LPCAT1: variants seen among roughly 807,000 people sequenced by gnomAD.
The protein encoded by LPCAT1 is lysophosphatidylcholine acyltransferase 1.
A neutral mutation model predicts 60.9 loss-of-function variants in LPCAT1; 23 were observed. The ratio of observed to expected loss-of-function variants is 0.38; its 90% CI spans 0.27 to 0.53. LPCAT1 has a LOEUF of 0.53. Among genes scored for constraint, LPCAT1 ranks in the 20% least tolerant of loss-of-function variants. The pLI, the probability that LPCAT1 is intolerant of heterozygous loss-of-function variation, is 0.82. For missense variants in LPCAT1, 622 were observed against 723.6 expected, an observed-to-expected ratio of 0.86 and a Z score of 1.61; for synonymous variants, 340 against 301.1, an observed-to-expected ratio of 1.13 and a Z score of -1.34.
In LPCAT1 at chr5:1,487,863, CAG is replaced by C. The variant is rs1282234330; in HGVS notation, c.667+526_667+527del. On this transcript the variant is annotated intron_variant, in intron 5 of 13. Transcript: ENST00000283415. This position sits in a 1 kb window ranked among gnomAD's most constrained non-coding sequence, Gnocchi z 6.1. ...CTGCTCACTGCCACACTTCCCACGT[CAG>C]GGGTGCAGACACAATACTAGACCCA... Among the ~76,000 whole-genome samples, 2 of 152,154 alleles carry C rather than the reference CAG, an allele frequency of 1.3e-5. No individual in the cohort carries two copies. Among genetic ancestry groups the C allele is most frequent in the Non-Finnish European group, 2.9e-5 (2 of 68,030 alleles).
At chr5:1,468,291 C>G (rs1004955112) in intron 12 of LPCAT1, among the ~76,000 whole-genome samples, 7 of 152,248 alleles carry the variant, frequency 4.6e-5, no homozygotes, top group African/African-American at 1.7e-4. Flanking sequence ...CGTTTCTCTC[C>G]TGCTTTTAGA....
In LPCAT1 at chr5:1,479,888, C is replaced by T. The variant is rs557690921; in HGVS notation, c.762-213G>A. The stretch of plus-strand genomic sequence containing the variant: ...AAATGCTGCTTTTCCGATTCAACAC[C>T]TGCTTATGTCCTTGGTTCGTCTAGC... On this transcript the variant is annotated intron_variant, in intron 7 of 13. Transcript: ENST00000283415. Among the ~76,000 whole-genome samples the T allele has an allele frequency of 9.2e-4, 140 of 152,072 alleles. 3 individuals carry two copies. In the South Asian group the frequency reaches 0.028, roughly 30 times the overall value.
intron 1 of LPCAT1, among the ~76,000 whole-genome samples, chr5:1,520,592 G>A (rs1579821481): frequency 6.6e-6 from 1 of 152,274 alleles, no homozygotes; most frequent in East Asian, 1.9e-4. Context: ...CGGGCGCGGT[G>A]GTTCACGCCT....
Position 1,514,091 on chromosome 5 carries a change from C to A in LPCAT1, c.135+9619G>T, listed in dbSNP as rs73735509. 3.3e-3 allele frequency among the ~76,000 whole-genome samples: 506 copies of A among 152,358 alleles called. 2 individuals are homozygous for A. Among genetic ancestry groups the A allele is most frequent in the African/African-American group, 0.012 (488 of 41,584 alleles). On this transcript the variant is annotated intron_variant, in intron 1 of 13. Coordinates refer to ENST00000283415, the MANE Select transcript of LPCAT1 (RefSeq NM_024830.5). ...TGGAGAAGCTCCAATGAGAACGGGG[C>A]CAGATGGGCAGCCCGAGAGCAGAAC... is the stretch of plus-strand genomic sequence containing the variant.
chr5:1,504,585 AT>A (rs2126597045), intron 1 of LPCAT1, among the ~76,000 whole-genome samples: 1 of 152,300 alleles, frequency 6.6e-6, no homozygotes, highest in Admixed American at 6.5e-5. Flanking sequence ...GTGGTGGCGC[AT>A]GCCTGTAATC....
chr5:1,492,565 G>A (rs989977076), intron 3 of LPCAT1, among the ~76,000 whole-genome samples: 3 of 152,056 alleles, frequency 2.0e-5, no homozygotes, highest in Non-Finnish European at 2.9e-5. Flanking sequence ...CCTCTCCCTC[G>A]CAGGTCCGTG....
Position 1,501,619 on chromosome 5 carries a change from G to T in LPCAT1, c.136-16C>A, listed in dbSNP as rs777363246. 3.1e-6 allele frequency: 5 copies of T among 1,613,268 alleles called. No homozygotes were observed. Among genetic ancestry groups the T allele is most frequent in the Non-Finnish European group, 4.2e-6 (5 of 1,179,446 alleles). On this transcript the variant is annotated splice_polypyrimidine_tract_variant and intron_variant, in intron 1 of 13. Coordinates refer to ENST00000283415, the MANE Select transcript of LPCAT1 (RefSeq NM_024830.5). ...TGAGGGCCACCTGCAGACAGAGGGG[G>T]GCATTATCCAGAGAATCCATGTAGG...
Position 1,480,363 on chromosome 5 carries a change from C to T in LPCAT1, c.761+579G>A. 2.0e-6 allele frequency: 2 copies of T among 985,382 alleles called. No homozygotes were observed. The highest frequency in any genetic ancestry group is 2.4e-6 in the Non-Finnish European group (2 of 829,914). 61.0% of individuals were successfully genotyped at this position (985,382 alleles called of 1,614,324 possible). On this transcript the variant is annotated intron_variant, in intron 7 of 13. Coordinates refer to ENST00000283415, the MANE Select transcript of LPCAT1 (RefSeq NM_024830.5). The surrounding 1 kb of genome is among the most constrained non-coding windows in gnomAD (Gnocchi z 6.4). ...CCCAAACGCCTGGAATGGAGCTGCT[C>T]TCTCTTGGACTTTCCCGCTCCCTCT...
intron 12 of LPCAT1, among the ~76,000 whole-genome samples, chr5:1,468,130 C>A (rs1425183226): frequency 1.3e-5 from 2 of 152,160 alleles, no homozygotes; most frequent in Non-Finnish European, 1.5e-5. Context: ...GCTGTCCCCG[C>A]GTTCACACCC....
chr5:1,497,795 T>A (rs1735847838), intron 2 of LPCAT1, among the ~76,000 whole-genome samples: 1 of 152,138 alleles, frequency 6.6e-6, no homozygotes, highest in African/African-American at 2.4e-5. Context: ...GGGGATGGCA[T>A]CCCCAAACTT....
rs1736015743 is a variant in LPCAT1, at chr5:1,501,697, C to T, written c.136-94G>A. 7 of 1,302,842 alleles carry T rather than the reference C, an allele frequency of 5.4e-6. No individual in the cohort carries two copies. In the African/African-American group the frequency reaches 8.7e-5, roughly 16 times the overall value. 80.7% of individuals were successfully genotyped at this position (1,302,842 alleles called of 1,614,324 possible). A position where few individuals can be genotyped will look rare whatever the true frequency, so the allele number is the denominator to read the frequency against. ...GGCTAGCCCAGGGGGACAGCGCGCC[C>T]CACAGAGTGGAGAGCTGGGGAGGGG... On this transcript the variant is annotated intron_variant, in intron 1 of 13. Coordinates refer to ENST00000283415, the MANE Select transcript of LPCAT1 (RefSeq NM_024830.5).
At chr5:1,475,100 A>T (rs941428659) in intron 9 of LPCAT1, among the ~76,000 whole-genome samples, 1 of 152,250 alleles carries the variant, frequency 6.6e-6, no homozygotes, top group Non-Finnish European at 1.5e-5. Flanking sequence ...ACAAACGTGA[A>T]GCAACTGTCT....
At chr5:1,473,086 CCT>C (rs990492992) in intron 11 of LPCAT1, among the ~76,000 whole-genome samples, 6 of 152,116 alleles carry the variant, frequency 3.9e-5, no homozygotes, top group African/African-American at 9.7e-5. Flanking sequence ...GAGTCCTCCC[CCT>C]GTCCTGAGTG....
intron 2 of LPCAT1, among the ~76,000 whole-genome samples, chr5:1,499,443 C>T (rs929845805): frequency 1.3e-5 from 2 of 152,210 alleles, no homozygotes; most frequent in Non-Finnish European, 1.5e-5. Context: ...TGTGGCTTCT[C>T]AACTCAGCAA....
chr5:1,483,289 G>A lies in LPCAT1; in HGVS notation c.726+139C>T. 1 of 971,316 alleles carries A rather than the reference G, an allele frequency of 1.0e-6. No individual in the cohort carries two copies. The highest frequency in any genetic ancestry group is 2.4e-5 in the East Asian group (1 of 40,974). The allele number at this position is 971,316 out of a possible 1,614,324, so 60.2% of individuals were successfully genotyped here. A position where few individuals can be genotyped will look rare whatever the true frequency, so the allele number is the denominator to read the frequency against. On this transcript the variant is annotated intron_variant, in intron 6 of 13. Transcript: ENST00000283415. The surrounding 1 kb of genome is among the most constrained non-coding windows in gnomAD (Gnocchi z 9.2). ...CCCTCTCCAGCGCTGAGGCCGGATG[G>A]ACTCAGCATGGCCAAGTGTGGGCTG...
intron 2 of LPCAT1, among the ~76,000 whole-genome samples, chr5:1,499,252 G>A (rs1735918452): frequency 6.6e-6 from 1 of 152,222 alleles, no homozygotes; most frequent in African/African-American, 2.4e-5. Context: ...GCCTGTGCTC[G>A]CACGGGGCTC....
At chr5:1,488,721 G>A (rs570180114) in intron 4 of LPCAT1, among the ~76,000 whole-genome samples, 9 of 152,294 alleles carry the variant, frequency 5.9e-5, no homozygotes, top group East Asian at 3.9e-4. Flanking sequence ...GGGTAGTCGC[G>A]GTGCCCACCT....
chr5:1,494,643 A>ATCTCTCACTCCCAGCAGGGCAGGG (rs1735709804), intron 3 of LPCAT1, 57 bp downstream of exon 3: 1 of 1,479,938 alleles, frequency 6.8e-7, no homozygotes, highest in African/African-American at 1.4e-5. Flanking sequence ...CAGCAGGGGG[A>ATCTCTCACTCCCAGCAGGGCAGGG]TCTCTCACTC....
At chr5:1,518,470 G>A (rs1289012502) in intron 1 of LPCAT1, among the ~76,000 whole-genome samples, 1 of 152,202 alleles carries the variant, frequency 6.6e-6, no homozygotes, top group Non-Finnish European at 1.5e-5. Context: ...CCTCCTGGGT[G>A]GCTGGGACTG....
Sources: gnomAD v4.1 joint callset for allele counts (sites outside exome capture counted in the v4.1 genomes callset) on GRCh38, gnomAD v4.1.1 for gene constraint, Gnocchi (gnomAD v3.1) non-coding constraint, MANE v1.5 for transcripts, NCBI Gene and HGNC (gene_info 2026-07-23, HGNC 2026-07-21) for gene names.